The following CYTH3 variants were observed in gnomAD, a reference collection of about 807,000 sequenced individuals.
CYTH3 encodes cytohesin 3.
Under a neutral mutation model 55.1 loss-of-function variants are expected in CYTH3, and 23 were observed. The ratio of observed to expected loss-of-function variants is 0.42; its 90% CI spans 0.30 to 0.59. The LOEUF is 0.59. CYTH3 is among the 20% of genes least tolerant of loss of function. The pLI, the probability that CYTH3 is intolerant of heterozygous loss-of-function variation, is 0.20. For missense variants in CYTH3, 413 were observed against 524.8 expected (o/e 0.79, Z 2.08); for synonymous variants, 249 against 194.9 (o/e 1.28, Z -2.31).
intron 4 of CYTH3, among the ~76,000 whole-genome samples, chr7:6,178,422 C>T (rs898165259): frequency 1.3e-5 from 2 of 152,328 alleles, no homozygotes; most frequent in South Asian, 2.1e-4. Context: ...CTGCCTTTGG[C>T]ACTAGAAATG....
intron 1 of CYTH3, among the ~76,000 whole-genome samples, chr7:6,227,350 TA>T (rs374753249): frequency 0.027 from 4,018 of 148,886 alleles, 81 homozygotes; most frequent in Middle Eastern, 0.069. Context: ...GCAAATGGTT[TA>T]AAAAAAAAAG....
intron 1 of CYTH3, among the ~76,000 whole-genome samples, chr7:6,252,691 A>G (rs532622254): frequency 6.6e-6 from 1 of 152,306 alleles, no homozygotes; most frequent in South Asian, 2.1e-4. Flanking sequence ...AATCAATAGG[A>G]AAGTGTTGAG....
chr7:6,268,607 G>A (rs1780571162), intron 1 of CYTH3, among the ~76,000 whole-genome samples: 1 of 152,134 alleles, frequency 6.6e-6, no homozygotes, highest in Non-Finnish European at 1.5e-5. Flanking sequence ...GCTTGCTGAT[G>A]GACACTCAAG....
intron 4 of CYTH3, among the ~76,000 whole-genome samples, chr7:6,183,776 T>C (rs1783565033): frequency 6.6e-6 from 1 of 151,686 alleles, no homozygotes; most frequent in Non-Finnish European, 1.5e-5. Context: ...ACCCCCACTG[T>C]GATGCTATCT....
chr7:6,271,371 T>C (rs1179916013), intron 1 of CYTH3, among the ~76,000 whole-genome samples: 2 of 152,198 alleles, frequency 1.3e-5, no homozygotes, highest in African/African-American at 4.8e-5. Context: ...CTGCTGATTC[T>C]TACAGGCAGC....
intron 1 of CYTH3, among the ~76,000 whole-genome samples, chr7:6,213,006 T>C (rs1183115347): frequency 6.6e-6 from 1 of 152,252 alleles, no homozygotes; most frequent in African/African-American, 2.4e-5. Context: ...CAGTAACTAC[T>C]GCACCTAGAA....
chr7:6,174,067 T>G (rs1258530867), intron 5 of CYTH3, among the ~76,000 whole-genome samples: 1 of 152,162 alleles, frequency 6.6e-6, no homozygotes, highest in Non-Finnish European at 1.5e-5. Flanking sequence ...AAAGTTTATG[T>G]TTTACATTTT....
chr7:6,257,556 G>A (rs573312346), intron 1 of CYTH3, among the ~76,000 whole-genome samples: 2 of 146,828 alleles, frequency 1.4e-5, no homozygotes, highest in Admixed American at 6.9e-5. Context: ...ATACGAAAAC[G>A]TATTTTGTTT....
intron 1 of CYTH3, among the ~76,000 whole-genome samples, chr7:6,259,118 T>G (rs1439948238): frequency 6.6e-6 from 1 of 152,236 alleles, no homozygotes; most frequent in Non-Finnish European, 1.5e-5. Context: ...ATATTATATG[T>G]TCTCATGAAA....
chr7:6,222,537 G>C (rs1033380335), intron 1 of CYTH3, among the ~76,000 whole-genome samples: 6 of 152,038 alleles, frequency 3.9e-5, no homozygotes, highest in African/African-American at 1.4e-4. Context: ...ACAAGTTCAG[G>C]AGATGGAGAC....
Position 6,173,671 on chromosome 7 carries a change from T to C in CYTH3, c.431A>G (p.Asn144Ser), listed in dbSNP as rs939848869. ...FVELHEFADL[N>S]LVQALRQFLW... ...TACTTACCTTAAGGCTTGTACAAGG[T>C]TGAGATCAGCAAACTCATGGAGTTC... Residue 144 changes from asparagine (N) to serine (S), a missense_variant, in exon 6 of 13, where the codon AAC becomes AGC. This residue lies in a region of CYTH3 where 156 missense variants were observed against 233.1 expected (regional missense o/e 0.67). Transcript: ENST00000350796. 3.1e-6 allele frequency: 5 copies of C among 1,610,688 alleles called. No individual in the cohort carries two copies. Among genetic ancestry groups the C allele is most frequent in the Admixed American group, 1.7e-5 (1 of 60,014 alleles).
At chr7:6,247,135 G>C (rs537348704) in intron 1 of CYTH3, among the ~76,000 whole-genome samples, 7 of 152,330 alleles carry the variant, frequency 4.6e-5, no homozygotes, top group African/African-American at 1.7e-4. Flanking sequence ...TCCAACTTCT[G>C]TATCTTCAGA....
chr7:6,165,229 G>C (rs1054135898), intron 12 of CYTH3, 44 bp downstream of exon 12: 1 of 1,583,734 alleles, frequency 6.3e-7, no homozygotes, highest in African/African-American at 1.4e-5. Flanking sequence ...CCTCCAACCG[G>C]CACGAGAAGA....
chr7:6,164,173 G>C lies in CYTH3; in HGVS notation c.*771C>G, dbSNP rs1212543926. ...GCCATGGCCGTCCCTCCCCCAGCCC[G>C]TCCCGAGCCCACCTGCTGCCCCCCG... On this transcript the variant is annotated 3_prime_UTR_variant, in exon 13 of 13. Transcript: ENST00000350796. 6.6e-6 allele frequency: 1 copy of C among 152,088 alleles called. No individual in the cohort carries two copies. Among genetic ancestry groups the C allele is most frequent in the Non-Finnish European group, 1.5e-5 (1 of 67,952 alleles). 9.4% of individuals were successfully genotyped at this position (152,088 alleles called of 1,614,324 possible). A position where few individuals can be genotyped will look rare whatever the true frequency, so the allele number is the denominator to read the frequency against.
intron 1 of CYTH3, among the ~76,000 whole-genome samples, chr7:6,198,774 T>TAAA (rs57184967): frequency 7.3e-6 from 1 of 136,838 alleles, no homozygotes. Flanking sequence ...ATAAAGCTGC[T>TAAA]AAAAAAAAAA....
chr7:6,187,171 A>C (rs556619828), intron 3 of CYTH3, 55 bp from the exon 4 acceptor site: 215 of 1,551,696 alleles, frequency 1.4e-4, no homozygotes, highest in Non-Finnish European at 1.8e-4. Context: ...AATGCAGCCC[A>C]GTCACGGCCC....
chr7:6,243,792 C>T (rs1225849456), intron 1 of CYTH3, among the ~76,000 whole-genome samples: 1 of 152,158 alleles, frequency 6.6e-6, no homozygotes, highest in Non-Finnish European at 1.5e-5. Context: ...AAGTAACTAA[C>T]ACCAGGAGTG....
chr7:6,269,441 G>T (rs1189601628), intron 1 of CYTH3, among the ~76,000 whole-genome samples: 1 of 152,096 alleles, frequency 6.6e-6, no homozygotes, highest in East Asian at 1.9e-4. Context: ...ATTGATCAGG[G>T]AGTGAAGGGG....
intron 1 of CYTH3, among the ~76,000 whole-genome samples, chr7:6,243,620 A>G (rs1305382632): frequency 1.3e-5 from 2 of 152,216 alleles, no homozygotes; most frequent in Non-Finnish European, 1.5e-5. Context: ...GAATTTACTT[A>G]GGTGGCTTTC....
Sources: gnomAD v4.1 joint callset for allele counts (sites outside exome capture counted in the v4.1 genomes callset) on GRCh38, gnomAD v4.1.1 for gene constraint, gnomAD v4.1.1 regional missense constraint, MANE v1.5 for transcripts, NCBI Gene and HGNC (gene_info 2026-07-23, HGNC 2026-07-21) for gene names.